CSMD3: variants seen among roughly 807,000 people sequenced by gnomAD.
The protein encoded by CSMD3 is CUB and sushi domain-containing protein 3.
A neutral mutation model predicts 435.2 loss-of-function variants in CSMD3; 177 were observed. That is an observed-to-expected ratio of 0.41 (90% CI 0.36 to 0.46). The LOEUF (loss-of-function observed/expected upper bound fraction) is 0.46. Among genes scored for constraint, CSMD3 ranks in the 20% least tolerant of loss-of-function variants. CSMD3 has a pLI of 0.34. For missense variants in CSMD3, 4,265 were observed against 4,504.6 expected (o/e 0.95, Z 1.52); for synonymous variants, 1,656 against 1,520.5 (o/e 1.09, Z -2.07).
At chr8:112,317,594 A>G (rs1446669061) in intron 47 of CSMD3, among the ~76,000 whole-genome samples, 1 of 152,044 alleles carries the variant, frequency 6.6e-6, no homozygotes, top group African/African-American at 2.4e-5. Flanking sequence ...TGAATGAATG[A>G]CATCTAAATG....
At chr8:112,365,676 C>G (rs767546523) in intron 38 of CSMD3, among the ~76,000 whole-genome samples, 1 of 151,940 alleles carries the variant, frequency 6.6e-6, no homozygotes, top group Non-Finnish European at 1.5e-5. Context: ...TGGTGAAATT[C>G]ATTGATGCTT....
At chr8:112,467,524 A>ACG (rs1818080565) in intron 32 of CSMD3, among the ~76,000 whole-genome samples, 1 of 134,342 alleles carries the variant, frequency 7.4e-6, no homozygotes, top group South Asian at 2.6e-4. Context: ...ACATAAAATT[A>ACG]TGTATATATA....
At chr8:113,366,765 T>C (rs868848309) in intron 1 of CSMD3, among the ~76,000 whole-genome samples, 1 of 152,094 alleles carries the variant, frequency 6.6e-6, no homozygotes, top group African/African-American at 2.4e-5. Flanking sequence ...AAAATTTTTA[T>C]AAACTTTTCT....
chr8:113,266,011 G>A (rs1383137171), intron 3 of CSMD3, among the ~76,000 whole-genome samples: 1 of 151,064 alleles, frequency 6.6e-6, no homozygotes, highest in Non-Finnish European at 1.5e-5. Context: ...TTTATTCCTA[G>A]CAAACTGTTT....
chr8:112,361,576 T>C (rs3905788), intron 38 of CSMD3, among the ~76,000 whole-genome samples: 2,310 of 9,260 alleles, frequency 0.25, 100 homozygotes, highest in African/African-American at 0.4. Flanking sequence ...CACATACATA[T>C]ATATATATAT....
intron 1 of CSMD3, among the ~76,000 whole-genome samples, chr8:113,347,632 G>C (rs912394287): frequency 6.6e-6 from 1 of 152,058 alleles, no homozygotes; most frequent in Non-Finnish European, 1.5e-5. Context: ...GAATAAAGGA[G>C]GTGAAAGATA....
chr8:112,621,321 A>C (rs188744527), intron 22 of CSMD3, among the ~76,000 whole-genome samples: 5 of 152,308 alleles, frequency 3.3e-5, no homozygotes, highest in Non-Finnish European at 1.5e-5. Context: ...GTACGTATAC[A>C]GACATCCTCT....
chr8:113,416,210 A>G (rs898903555), intron 1 of CSMD3, among the ~76,000 whole-genome samples: 1 of 152,124 alleles, frequency 6.6e-6, no homozygotes, highest in Non-Finnish European at 1.5e-5. Context: ...AAGCAAAGTG[A>G]CAATCTGGGA....
At chr8:113,377,740 G>A (rs2094395070) in intron 1 of CSMD3, among the ~76,000 whole-genome samples, 1 of 152,060 alleles carries the variant, frequency 6.6e-6, no homozygotes, top group South Asian at 2.1e-4. Context: ...GATCTGTATT[G>A]GGGTTCAATA....
intron 12 of CSMD3, among the ~76,000 whole-genome samples, chr8:112,817,993 TAAAA>T (rs1228098559): frequency 2.0e-5 from 3 of 151,718 alleles, no homozygotes; most frequent in African/African-American, 7.2e-5. Context: ...TTATACTTCA[TAAAA>T]AAAGAAATTT....
chr8:112,847,321 T>C (rs556941390), intron 11 of CSMD3, among the ~76,000 whole-genome samples: 6 of 152,124 alleles, frequency 3.9e-5, no homozygotes, highest in Admixed American at 1.3e-4. Flanking sequence ...AGGAGCCCAC[T>C]TGGTCCACAC....
intron 4 of CSMD3, among the ~76,000 whole-genome samples, chr8:113,169,942 T>G (rs913837554): frequency 6.6e-6 from 1 of 152,174 alleles, no homozygotes; most frequent in East Asian, 1.9e-4. Context: ...TACTACCAGA[T>G]GGTGTTGATA....
intron 1 of CSMD3, among the ~76,000 whole-genome samples, chr8:113,412,293 G>A (rs1186992497): frequency 2.0e-5 from 3 of 152,028 alleles, no homozygotes; most frequent in Non-Finnish European, 1.5e-5. Flanking sequence ...AAATAAGATG[G>A]GATCATTCCT....
intron 10 of CSMD3, among the ~76,000 whole-genome samples, chr8:112,879,079 T>C (rs1170191264): frequency 6.6e-6 from 1 of 152,086 alleles, no homozygotes; most frequent in African/African-American, 2.4e-5. Context: ...GAGATAACGA[T>C]TAGGTCTGAC....
At chr8:113,310,519 T>G (rs183893029) in intron 2 of CSMD3, 1 of 151,812 alleles carries the variant, frequency 6.6e-6, no homozygotes, top group Non-Finnish European at 1.5e-5. Flanking sequence ...AAGAAAAATA[T>G]TGATACATAG....
chr8:112,708,887 C>T (rs963275502), intron 13 of CSMD3, among the ~76,000 whole-genome samples: 6 of 152,006 alleles, frequency 3.9e-5, no homozygotes, highest in Non-Finnish European at 7.4e-5. Context: ...CTCACACTAA[C>T]GTGGTAGCTA....
intron 2 of CSMD3, among the ~76,000 whole-genome samples, chr8:113,307,341 T>A (rs188478511): frequency 2.7e-4 from 41 of 152,264 alleles, no homozygotes; most frequent in Non-Finnish European, 4.9e-4. Context: ...TCTTCTTCAC[T>A]TTAATGCTTA....
In CSMD3 at chr8:112,462,988, C is replaced by T. The variant is rs183615040; in HGVS notation, c.5395+9603G>A. 1.1e-4 allele frequency among the ~76,000 whole-genome samples: 16 copies of T among 152,310 alleles called. No homozygotes were observed. The East Asian group carries it at 2.7e-3, about 26-fold the overall frequency. On this transcript the variant is annotated intron_variant, in intron 32 of 70. Coordinates refer to ENST00000297405, the MANE Select transcript of CSMD3 (RefSeq NM_198123.2). ...TGAAACTGCTTGGCAGTTTGCCTTG[C>T]TCTCCCTAGAAAGTCTCATTTTGTG...
At chr8:113,181,086 C>T (rs539683567) in intron 3 of CSMD3, among the ~76,000 whole-genome samples, 3 of 151,836 alleles carry the variant, frequency 2.0e-5, no homozygotes, top group Admixed American at 1.3e-4. Flanking sequence ...AAATAAATTA[C>T]TGGTTGCTAG....
Sources: allele counts gnomAD v4.1 joint callset (sites outside exome capture counted in the v4.1 genomes callset), GRCh38; gene constraint gnomAD v4.1.1; transcripts MANE v1.5; gene names NCBI Gene and HGNC (gene_info 2026-07-23, HGNC 2026-07-21).